The following SORCS3 variants were observed in gnomAD, a reference collection of about 807,000 sequenced individuals.
SORCS3 encodes the protein sortilin related VPS10 domain containing receptor 3.
SORCS3 carries 57 observed loss-of-function variants against 146.3 expected under a neutral mutation model. The observed-to-expected ratio is 0.39, with a 90% CI of 0.31 to 0.49. The LOEUF (loss-of-function observed/expected upper bound fraction) is 0.49. SORCS3 is among the 20% of genes least tolerant of loss of function. SORCS3 has a pLI of 0.92. For synonymous variants in SORCS3, 653 were observed against 618.5 expected (o/e 1.06, Z -0.83); for missense variants, 1,341 against 1,575.5 (o/e 0.85, Z 2.52).
chr10:104,918,109 C>T (rs2019051307), intron 3 of SORCS3, among the ~76,000 whole-genome samples: 2 of 152,152 alleles, frequency 1.3e-5, no homozygotes, highest in Non-Finnish European at 2.9e-5. Context: ...GTGTGCCTAA[C>T]AGTTTTTGGA....
intron 1 of SORCS3, among the ~76,000 whole-genome samples, chr10:104,792,614 G>T (rs372379989): frequency 6.6e-6 from 1 of 152,022 alleles, no homozygotes; most frequent in South Asian, 2.1e-4. Context: ...TTCCTGCTTC[G>T]GGAAGTAAAA....
At chr10:105,147,008 A>G (rs570384957) in intron 8 of SORCS3, among the ~76,000 whole-genome samples, 3 of 152,214 alleles carry the variant, frequency 2.0e-5, no homozygotes, top group Admixed American at 6.5e-5. Flanking sequence ...GTGATCTTCA[A>G]CATAATTTCA....
At chr10:104,777,152 G>A (rs60242199) in intron 1 of SORCS3, among the ~76,000 whole-genome samples, 1 of 152,286 alleles carries the variant, frequency 6.6e-6, no homozygotes, top group Non-Finnish European at 1.5e-5. Flanking sequence ...ATAGTTGGGA[G>A]AGTTGGCTGG....
At chr10:104,762,927 T>C (rs2017139086) in intron 1 of SORCS3, among the ~76,000 whole-genome samples, 1 of 152,190 alleles carries the variant, frequency 6.6e-6, no homozygotes, top group South Asian at 2.1e-4. Context: ...CTGTGACAAA[T>C]ACTAGTGCTC....
chr10:104,713,997 A>G (rs915002558), intron 1 of SORCS3, among the ~76,000 whole-genome samples: 1 of 152,158 alleles, frequency 6.6e-6, no homozygotes, highest in Non-Finnish European at 1.5e-5. Flanking sequence ...GTGTCTTTCA[A>G]TGAATTGGTC....
chr10:104,839,231 G>A (rs750332618), intron 1 of SORCS3, among the ~76,000 whole-genome samples: 1 of 152,166 alleles, frequency 6.6e-6, no homozygotes, highest in Non-Finnish European at 1.5e-5. Flanking sequence ...GTAACGTTCA[G>A]AAACTATCAA....
chr10:104,736,271 C>T (rs964057023), intron 1 of SORCS3, among the ~76,000 whole-genome samples: 7 of 152,162 alleles, frequency 4.6e-5, no homozygotes, highest in Non-Finnish European at 2.9e-5. Flanking sequence ...GATTAGATGG[C>T]ACTCAGGAGG....
chr10:104,829,335 T>G (rs2017975865), intron 1 of SORCS3, among the ~76,000 whole-genome samples: 2 of 152,152 alleles, frequency 1.3e-5, no homozygotes, highest in African/African-American at 4.8e-5. Flanking sequence ...CAGTTCTGTC[T>G]TTGAGAACAG....
intron 3 of SORCS3, among the ~76,000 whole-genome samples, chr10:104,954,429 C>T (rs771481322): frequency 2.6e-5 from 4 of 152,182 alleles, no homozygotes; most frequent in Non-Finnish European, 5.9e-5. Context: ...TTTTATAACA[C>T]ATGCTTCATA....
At chr10:104,737,307 C>G (rs1187177246) in intron 1 of SORCS3, among the ~76,000 whole-genome samples, 1 of 151,820 alleles carries the variant, frequency 6.6e-6, no homozygotes, top group Non-Finnish European at 1.5e-5. Flanking sequence ...AATGGGATGG[C>G]TGGGTCAAAT....
At chr10:104,997,301 C>T (rs895154208) in intron 4 of SORCS3, among the ~76,000 whole-genome samples, 3 of 152,140 alleles carry the variant, frequency 2.0e-5, no homozygotes, top group African/African-American at 4.8e-5. Context: ...TAATTTCTTT[C>T]GTATGAACTA....
At chr10:104,836,165 AC>A (rs1564694659) in intron 1 of SORCS3, among the ~76,000 whole-genome samples, 1 of 152,088 alleles carries the variant, frequency 6.6e-6, no homozygotes, top group East Asian at 1.9e-4. Context: ...AGGGACTGAA[AC>A]TTTAGAGTGT....
At chr10:104,989,756 G>T (rs1294814811) in intron 4 of SORCS3, among the ~76,000 whole-genome samples, 1 of 152,208 alleles carries the variant, frequency 6.6e-6, no homozygotes. Context: ...GGAGTTCAAG[G>T]ATGATTTTCC....
intron 4 of SORCS3, among the ~76,000 whole-genome samples, chr10:105,017,472 C>T (rs956731573): frequency 2.0e-5 from 3 of 152,106 alleles, no homozygotes; most frequent in African/African-American, 7.2e-5. Context: ...TTGCTAGCAG[C>T]ATAGGATATG....
At chr10:105,160,285 A>T (rs1165809084) in intron 11 of SORCS3, among the ~76,000 whole-genome samples, 1 of 152,198 alleles carries the variant, frequency 6.6e-6, no homozygotes, top group African/African-American at 2.4e-5. Flanking sequence ...GCATAATAGT[A>T]CCAAAATAAT....
At chr10:105,199,849 T>C in intron 14 of SORCS3, 150 bp from the exon 15 acceptor site, 1 of 617,080 alleles carries the variant, frequency 1.6e-6, no homozygotes, top group East Asian at 2.7e-5. Context: ...GTGGACTTTC[T>C]CCTTAATGGC....
At chr10:104,961,282 A>G (rs1454827880) in intron 3 of SORCS3, among the ~76,000 whole-genome samples, 2 of 152,178 alleles carry the variant, frequency 1.3e-5, no homozygotes, top group Admixed American at 6.5e-5. Context: ...TTATGTATCT[A>G]TGCCTGTGAC....
chr10:105,028,425 G>A (rs2055244378), intron 4 of SORCS3, among the ~76,000 whole-genome samples: 1 of 152,184 alleles, frequency 6.6e-6, no homozygotes, highest in Non-Finnish European at 1.5e-5. Context: ...GTCTTGCCAT[G>A]TCTTTGCAAA....
At chr10:104,830,450 G>A (rs976720766) in intron 1 of SORCS3, among the ~76,000 whole-genome samples, 5 of 152,114 alleles carry the variant, frequency 3.3e-5, no homozygotes, top group Admixed American at 1.3e-4. Flanking sequence ...TGTGTGTGCT[G>A]AGGTGCATCA....
Sources: gnomAD v4.1 joint callset for allele counts (sites outside exome capture counted in the v4.1 genomes callset) on GRCh38, gnomAD v4.1.1 for gene constraint, MANE v1.5 for transcripts, NCBI Gene and HGNC (gene_info 2026-07-23, HGNC 2026-07-21) for gene names.